Variants in ATRX observed in about 807,000 individuals in gnomAD.
ATRX encodes chromatin remodeler ATRX.
ATRX carries 12 observed loss-of-function variants against 172.6 expected under a neutral mutation model. The ratio of observed to expected loss-of-function variants is 0.07; its 90% CI spans 0.04 to 0.11. ATRX has a LOEUF of 0.11. Ranked by LOEUF, ATRX falls within the 10% of genes least tolerant of loss-of-function variation. The pLI is 1.00. For missense variants in ATRX, 1,368 were observed against 1,767.4 expected (o/e 0.77, Z 4.05); for synonymous variants, 674 against 594.7 (o/e 1.13, Z -1.94).
chrX:77,660,596 T>C (rs1232760608), intron 12 of ATRX, among the ~76,000 whole-genome samples: 2 of 108,242 alleles, frequency 1.8e-5, no homozygotes, highest in African/African-American at 6.7e-5. Context: ...ATAATAAAAA[T>C]AAAAAAATAA....
intron 19 of ATRX, among the ~76,000 whole-genome samples, chrX:77,626,771 A>C (rs1346410504): frequency 7.1e-5 from 8 of 112,277 alleles, no homozygotes; most frequent in Non-Finnish European, 1.1e-4. Flanking sequence ...GGGAACTTTT[A>C]CTTTTCAATA....
intron 1 of ATRX, among the ~76,000 whole-genome samples, chrX:77,778,455 G>A (rs1481907988): frequency 9.2e-6 from 1 of 108,516 alleles, no homozygotes; most frequent in Non-Finnish European, 1.9e-5. Flanking sequence ...GGGCGCGGTG[G>A]CTCACGCCTG....
At chrX:77,736,013 A>AAAAAAG (rs1557178905) in intron 1 of ATRX, among the ~76,000 whole-genome samples, 2 of 108,963 alleles carry the variant, frequency 1.8e-5, no homozygotes, top group Non-Finnish European at 1.9e-5. Context: ...CTCAAAAAAA[A>AAAAAAG]AAAAAGAAAA....
At chrX:77,778,714 A>G (rs1557204043) in intron 1 of ATRX, among the ~76,000 whole-genome samples, 2 of 105,805 alleles carry the variant, frequency 1.9e-5, no homozygotes, top group Non-Finnish European at 3.9e-5. Flanking sequence ...GAGCGAGACT[A>G]CGTCTCAAAA....
intron 19 of ATRX, among the ~76,000 whole-genome samples, chrX:77,624,130 G>A (rs2067713211): frequency 9.0e-6 from 1 of 111,568 alleles, no homozygotes; most frequent in African/African-American, 3.3e-5. Flanking sequence ...ACTTTGGGAG[G>A]CTGAGCGGGC....
At chrX:77,531,939 G>T (rs2147806186) in intron 30 of ATRX, among the ~76,000 whole-genome samples, 1 of 111,902 alleles carries the variant, frequency 8.9e-6, no homozygotes, top group East Asian at 2.8e-4. Context: ...CAAATTCTCA[G>T]GATATAAAAT....
chrX:77,614,488 T>C (rs1201488515), intron 22 of ATRX, among the ~76,000 whole-genome samples: 1 of 112,163 alleles, frequency 8.9e-6, no homozygotes, highest in Admixed American at 9.5e-5. Context: ...CTTTAGATAT[T>C]TACTCCTATC....
At position 77,698,928 on chromosome X, in the gene ATRX, T is replaced by C. The variant is rs1557151813; in HGVS notation, c.134-299A>G. ...TTTCCCAGCAGAAGAAAATTTAAAC[T>C]ATTACACTAAAAATAAAAAACATAC... is the stretch of plus-strand genomic sequence containing the variant. On this transcript the variant is annotated intron_variant, in intron 2 of 34. Coordinates refer to ENST00000373344, the MANE Select transcript of ATRX (RefSeq NM_000489.6). 5 of 331,746 alleles carry C rather than the reference T, an allele frequency of 1.5e-5. No individual in the cohort carries two copies. In the East Asian group the frequency reaches 3.1e-4, roughly 20 times the overall value. 27.3% of individuals were successfully genotyped at this position (331,746 alleles called of 1,213,427 possible).
chrX:77,716,906 T>A (rs1398640533), intron 2 of ATRX, among the ~76,000 whole-genome samples: 1 of 111,695 alleles, frequency 9.0e-6, no homozygotes, highest in African/African-American at 3.3e-5. Flanking sequence ...TGCTTCCTTT[T>A]CTAAGCTTTC....
At chrX:77,585,705 T>C (rs1275222962) in intron 27 of ATRX, among the ~76,000 whole-genome samples, 1 of 106,228 alleles carries the variant, frequency 9.4e-6, no homozygotes, top group Non-Finnish European at 1.9e-5. Context: ...CTGTCTATTG[T>C]AGCACTGTTC....
chrX:77,559,479 G>C (rs1308467153), intron 28 of ATRX, among the ~76,000 whole-genome samples: 1 of 56,911 alleles, frequency 1.8e-5, no homozygotes, highest in East Asian at 7.3e-4. Context: ...TTTTTTTTGA[G>C]ACGGAGACTC....
chrX:77,590,540 A>G (rs1193631902), intron 26 of ATRX, among the ~76,000 whole-genome samples: 3 of 102,628 alleles, frequency 2.9e-5, no homozygotes, highest in African/African-American at 1.1e-4. Flanking sequence ...TGAACCCAGG[A>G]GGCGGAGCTT....
chrX:77,567,635 C>T (rs1203422266), intron 28 of ATRX, among the ~76,000 whole-genome samples: 4 of 107,413 alleles, frequency 3.7e-5, no homozygotes, highest in South Asian at 4.1e-4. Flanking sequence ...TTCAACCTTC[C>T]TCTCAAAAAC....
chrX:77,550,888 C>T (rs782226404), intron 30 of ATRX, among the ~76,000 whole-genome samples: 4 of 111,364 alleles, frequency 3.6e-5, no homozygotes, highest in African/African-American at 9.8e-5. Flanking sequence ...GAATAAAATA[C>T]CTAGGAATCC....
intron 33 of ATRX, 77 bp from the exon 34 acceptor site, chrX:77,520,993 G>C (rs1037010558): frequency 5.6e-5 from 59 of 1,046,521 alleles, no homozygotes; most frequent in Non-Finnish European, 7.5e-5. Context: ...TAAGATATTC[G>C]GGATTTCCCA....
intron 22 of ATRX, among the ~76,000 whole-genome samples, chrX:77,601,388 G>A (rs1557087088): frequency 9.4e-6 from 1 of 106,880 alleles, no homozygotes; most frequent in African/African-American, 3.4e-5. Flanking sequence ...TGAAGTGGGA[G>A]AATCACTTGA....
chrX:77,751,555 T>C (rs782529065), intron 1 of ATRX, among the ~76,000 whole-genome samples: 2 of 112,317 alleles, frequency 1.8e-5, no homozygotes, highest in Non-Finnish European at 3.8e-5. Context: ...TTTGTTGCCA[T>C]TGCTTTTGGT....
chrX:77,777,191 TAAAAAAAAAAAAAA>T (rs782165810), intron 1 of ATRX, among the ~76,000 whole-genome samples: 25 of 21,037 alleles, frequency 1.2e-3, no homozygotes, highest in Admixed American at 2.6e-3. Flanking sequence ...CTGTCTCTAC[TAAAAAAAAAAAAAA>T]AAAAAAAAAA....
intron 27 of ATRX, among the ~76,000 whole-genome samples, chrX:77,578,724 C>A (rs185254484): frequency 2.1e-4 from 24 of 112,314 alleles, no homozygotes; most frequent in Non-Finnish European, 3.2e-4. Flanking sequence ...GTTGTGGTGG[C>A]TACAAAGAGA....
Sources: allele counts gnomAD v4.1 joint callset (sites outside exome capture counted in the v4.1 genomes callset), GRCh38; gene constraint gnomAD v4.1.1; transcripts MANE v1.5; gene names NCBI Gene and HGNC (gene_info 2026-07-23, HGNC 2026-07-21).